ST6GALNAC3: variants seen among roughly 807,000 people sequenced by gnomAD.
ST6GALNAC3 encodes alpha-N-acetylgalactosaminide alpha-2,6-sialyltransferase 3.
ST6GALNAC3 carries 25 observed loss-of-function variants against 32.7 expected under a neutral mutation model. That is an observed-to-expected ratio of 0.76 (90% confidence interval 0.56 to 1.07). The LOEUF (loss-of-function observed/expected upper bound fraction) is 1.07. ST6GALNAC3 is among the 50% of genes least tolerant of loss of function. The pLI is 0.00. For missense variants in ST6GALNAC3, 355 were observed against 382.4 expected (o/e 0.93, Z 0.60); for synonymous variants, 129 against 133.1 (o/e 0.97, Z 0.21).
At position 76,495,822 on chromosome 1, in the gene ST6GALNAC3, C is replaced by T. The variant is rs189078425; in HGVS notation, c.623+83405C>T. ...AACCCAGTGGGAAAGAACTACAGAA[C>T]GAAATGGTAAATCAAATATCGAAGA... is the stretch of plus-strand genomic sequence containing the variant. On this transcript the variant is annotated intron_variant, in intron 3 of 4. Transcript: ENST00000328299. Among the ~76,000 whole-genome samples the T allele has an allele frequency of 1.4e-3, 213 of 152,214 alleles. 2 individuals are homozygous for T. The East Asian group carries it at 0.02, about 14-fold the overall frequency.
chr1:76,555,578 C>A (rs372523147), intron 3 of ST6GALNAC3, among the ~76,000 whole-genome samples: 5 of 152,040 alleles, frequency 3.3e-5, no homozygotes, highest in South Asian at 2.1e-4. Flanking sequence ...AAGGTGAGAC[C>A]CATTGATCAG....
chr1:76,314,116 T>A, intron 2 of ST6GALNAC3, 117 bp downstream of exon 2: 1 of 929,004 alleles, frequency 1.1e-6, no homozygotes, highest in Non-Finnish European at 1.5e-6. Flanking sequence ...GAGAGCTTGC[T>A]TGGGTCCCTG....
chr1:76,535,115 G>C (rs1042409129), intron 3 of ST6GALNAC3, among the ~76,000 whole-genome samples: 4 of 152,130 alleles, frequency 2.6e-5, no homozygotes, highest in Non-Finnish European at 2.9e-5. Flanking sequence ...GGATACACAG[G>C]GTTAGGGAAA....
At chr1:76,091,892 A>G (rs1315844819) in intron 1 of ST6GALNAC3, among the ~76,000 whole-genome samples, 1 of 152,226 alleles carries the variant, frequency 6.6e-6, no homozygotes, top group Non-Finnish European at 1.5e-5. Flanking sequence ...TCATTGAGCC[A>G]TTCATGACTG....
At chr1:76,286,197 G>C (rs566777782) in intron 1 of ST6GALNAC3, among the ~76,000 whole-genome samples, 1 of 152,306 alleles carries the variant, frequency 6.6e-6, no homozygotes, top group South Asian at 2.1e-4. Context: ...AGATGCTTCT[G>C]TTTACCAGGA....
intron 3 of ST6GALNAC3, among the ~76,000 whole-genome samples, chr1:76,444,465 G>A (rs1231773132): frequency 6.6e-6 from 1 of 152,178 alleles, no homozygotes; most frequent in Non-Finnish European, 1.5e-5. Flanking sequence ...TAATGAAACT[G>A]GAGAACTCAT....
At chr1:76,214,408 T>A (rs574130) in intron 1 of ST6GALNAC3, among the ~76,000 whole-genome samples, 27,030 of 148,986 alleles carry the variant, frequency 0.18, 2,558 homozygotes, top group Middle Eastern at 0.23. Context: ...TGAAAAAAAA[T>A]TTTTTTTTTG....
chr1:76,470,356 G>A (rs1243772835), intron 3 of ST6GALNAC3, among the ~76,000 whole-genome samples: 1 of 152,044 alleles, frequency 6.6e-6, no homozygotes. Flanking sequence ...ATGGATTGTA[G>A]ACATCTGGGA....
At chr1:76,553,398 G>A (rs1402537296) in intron 3 of ST6GALNAC3, among the ~76,000 whole-genome samples, 1 of 152,240 alleles carries the variant, frequency 6.6e-6, no homozygotes, top group African/African-American at 2.4e-5. Context: ...TTTGAAAATC[G>A]ATCAGCCAAG....
intron 1 of ST6GALNAC3, among the ~76,000 whole-genome samples, chr1:76,229,841 ATTACCAT>A (rs1344327563): frequency 1.4e-4 from 22 of 152,188 alleles, no homozygotes; most frequent in Admixed American, 3.9e-4. Flanking sequence ...TGCATTAGGT[ATTACCAT>A]CTCACGGTGA....
At chr1:76,557,995 T>A (rs1186606201) in intron 3 of ST6GALNAC3, among the ~76,000 whole-genome samples, 1 of 152,002 alleles carries the variant, frequency 6.6e-6, no homozygotes, top group Non-Finnish European at 1.5e-5. Context: ...GGTTCCCAAA[T>A]GACAAACTAT....
chr1:76,627,673 C>A, intron 4 of ST6GALNAC3, 114 bp downstream of exon 4: 1 of 877,776 alleles, frequency 1.1e-6, no homozygotes, highest in Non-Finnish European at 1.8e-6. Flanking sequence ...CAATTATTTC[C>A]CAGTGTTCTT....
At chr1:76,189,652 A>T (rs955393505) in intron 1 of ST6GALNAC3, among the ~76,000 whole-genome samples, 1 of 152,212 alleles carries the variant, frequency 6.6e-6, no homozygotes, top group Non-Finnish European at 1.5e-5. Context: ...TTAAGTTTAA[A>T]TGAGAATGTT....
chr1:76,635,715 A>G (rs190485974), downstream of ST6GALNAC3, among the ~76,000 whole-genome samples: 1 of 152,340 alleles, frequency 6.6e-6, no homozygotes, highest in East Asian at 1.9e-4. Flanking sequence ...AGGGTGACTC[A>G]GATACAAAGA....
intron 1 of ST6GALNAC3, among the ~76,000 whole-genome samples, chr1:76,082,006 C>T (rs891688701): frequency 1.9e-4 from 29 of 152,096 alleles, no homozygotes; most frequent in African/African-American, 7.0e-4. Flanking sequence ...TAGCTGGAAT[C>T]GAGGAAACCT....
intron 3 of ST6GALNAC3, 58 bp from the exon 4 acceptor site, chr1:76,627,394 C>CTG (rs1430235334): frequency 3.7e-6 from 4 of 1,094,822 alleles, no homozygotes; most frequent in Non-Finnish European, 5.6e-6. Context: ...CCTTATTGTT[C>CTG]TGTGTGTGTG....
Position 76,324,477 on chromosome 1 carries a change from C to G in ST6GALNAC3, c.213+10478C>G, listed in dbSNP as rs1301893574. Among the ~76,000 whole-genome samples the G allele has an allele frequency of 2.0e-5, 3 of 152,152 alleles. No homozygotes were observed. In the East Asian group the frequency reaches 5.8e-4, roughly 29 times the overall value. ...ATGATGTGATGAAACCGACACTTTA[C>G]CACTGAGGCCATCTTCCCCAAATCC... is the stretch of plus-strand genomic sequence containing the variant. On this transcript the variant is annotated intron_variant, in intron 2 of 4. Transcript: ENST00000328299.
intron 2 of ST6GALNAC3, among the ~76,000 whole-genome samples, chr1:76,361,731 C>A (rs1649955675): frequency 6.6e-6 from 1 of 152,114 alleles, no homozygotes; most frequent in Non-Finnish European, 1.5e-5. Context: ...GTAATCCCAG[C>A]ACTTTGGGAT....
At position 76,206,730 on chromosome 1, in the gene ST6GALNAC3, T is replaced by A. The variant is rs953599785; in HGVS notation, c.19-107075T>A. ...CCTGGCGATAGAGCGAGACTCTGTC[T>A]AAAAAAAAAAAATGCTGTCGTTAGA... On this transcript the variant is annotated intron_variant, in intron 1 of 4. Coordinates refer to ENST00000328299, the MANE Select transcript of ST6GALNAC3 (RefSeq NM_152996.4). Among the ~76,000 whole-genome samples, 11 of 144,958 alleles carry A rather than the reference T, an allele frequency of 7.6e-5. No homozygotes were observed. The East Asian group carries it at 2.2e-3, about 29-fold the overall frequency.
Sources: allele counts gnomAD v4.1 joint callset (sites outside exome capture counted in the v4.1 genomes callset), GRCh38; gene constraint gnomAD v4.1.1; transcripts MANE v1.5; gene names NCBI Gene and HGNC (gene_info 2026-07-23, HGNC 2026-07-21).